The following CDH13 variants were observed in gnomAD, a reference collection of about 807,000 sequenced individuals.
CDH13 encodes the protein cadherin 13.
In CDH13, 24 loss-of-function variants were observed where a neutral mutation model predicts 63.8. The ratio of observed to expected loss-of-function variants is 0.38; its 90% CI spans 0.27 to 0.53. The LOEUF (loss-of-function observed/expected upper bound fraction) is 0.53, where lower values mean the gene tolerates loss of function less well. Among genes scored for constraint, CDH13 ranks in the 20% least tolerant of loss-of-function variants. The pLI, the probability that CDH13 is intolerant of heterozygous loss-of-function variation, is 0.85. For synonymous variants in CDH13, 503 were observed against 355.3 expected (o/e 1.42, Z -4.67); for missense variants, 1,049 against 903.1 (o/e 1.16, Z -2.07).
At chr16:83,172,423 G>A (rs1031821807) in intron 4 of CDH13, among the ~76,000 whole-genome samples, 2 of 151,928 alleles carry the variant, frequency 1.3e-5, no homozygotes, top group East Asian at 1.9e-4. Flanking sequence ...CCCCAGAGGC[G>A]GAGGTTGCAG....
At chr16:82,728,679 C>G (rs2151032297) in intron 1 of CDH13, among the ~76,000 whole-genome samples, 1 of 152,110 alleles carries the variant, frequency 6.6e-6, no homozygotes, top group East Asian at 1.9e-4. Flanking sequence ...GTGGGGGTTG[C>G]TGAAGGCTAA....
At chr16:83,294,850 T>C (rs1305858944) in intron 5 of CDH13, among the ~76,000 whole-genome samples, 1 of 152,068 alleles carries the variant, frequency 6.6e-6, no homozygotes, top group Non-Finnish European at 1.5e-5. Flanking sequence ...AAAATATCAA[T>C]GACATTATTC....
chr16:83,315,516 G>T (rs558439483), intron 5 of CDH13, among the ~76,000 whole-genome samples: 1 of 152,076 alleles, frequency 6.6e-6, no homozygotes, highest in Non-Finnish European at 1.5e-5. Context: ...TGATGATATT[G>T]TCTGGTATGA....
At chr16:82,851,322 C>T (rs1431140174) in intron 1 of CDH13, among the ~76,000 whole-genome samples, 7 of 151,768 alleles carry the variant, frequency 4.6e-5, no homozygotes, top group Non-Finnish European at 1.0e-4. Flanking sequence ...GTAATCCCAG[C>T]TACTCGGGAG....
intron 1 of CDH13, among the ~76,000 whole-genome samples, chr16:82,760,803 G>A (rs1452315932): frequency 6.6e-6 from 1 of 152,002 alleles, no homozygotes; most frequent in Non-Finnish European, 1.5e-5. Context: ...AGGTGAAGGG[G>A]GAGCAGGCAT....
chr16:83,632,369 C>G lies in CDH13; in HGVS notation c.1101+29775C>G, dbSNP rs1294694141. ...CACAAGTTCCTTAGATGCTTTGGGCCTCAGTGTCCTCACTTACAGAATAGG... is the reference window on the plus strand; with the variant it reads ...CACAAGTTCCTTAGATGCTTTGGGCGTCAGTGTCCTCACTTACAGAATAGG... On this transcript the variant is annotated intron_variant, in intron 8 of 13. Transcript: ENST00000567109. Among the ~76,000 whole-genome samples, 12 of 152,268 alleles carry G rather than the reference C, an allele frequency of 7.9e-5. No individual in the cohort carries two copies. In the East Asian group the frequency reaches 2.3e-3, roughly 29 times the overall value.
At chr16:83,324,378 C>A (rs1020206768) in intron 5 of CDH13, among the ~76,000 whole-genome samples, 1 of 152,154 alleles carries the variant, frequency 6.6e-6, no homozygotes, top group African/African-American at 2.4e-5. Flanking sequence ...CAAAAGAAAC[C>A]CCATCACTCT....
chr16:82,630,380 A>G (rs1178955433), intron 1 of CDH13, among the ~76,000 whole-genome samples: 2 of 152,204 alleles, frequency 1.3e-5, no homozygotes, highest in African/African-American at 4.8e-5. Flanking sequence ...TGCAAAGCTG[A>G]GTATGTAATC....
chr16:82,749,140 G>A (rs2034306490), intron 1 of CDH13, among the ~76,000 whole-genome samples: 2 of 152,098 alleles, frequency 1.3e-5, no homozygotes, highest in South Asian at 4.2e-4. Context: ...GCCCGACAGA[G>A]CCAAGAAATG....
At chr16:83,422,584 A>C (rs2071750175) in intron 6 of CDH13, among the ~76,000 whole-genome samples, 1 of 152,204 alleles carries the variant, frequency 6.6e-6, no homozygotes, top group Admixed American at 6.5e-5. Flanking sequence ...CTGGTTCAAA[A>C]ATTGCAGTTC....
intron 11 of CDH13, among the ~76,000 whole-genome samples, chr16:83,748,633 C>T (rs1567570169): frequency 6.6e-6 from 1 of 152,132 alleles, no homozygotes; most frequent in African/African-American, 2.4e-5. Flanking sequence ...TGACCCTGAC[C>T]ATTGAATTGT....
chr16:83,568,568 C>G (rs1001726260), intron 7 of CDH13, among the ~76,000 whole-genome samples: 1 of 152,142 alleles, frequency 6.6e-6, no homozygotes, highest in African/African-American at 2.4e-5. Flanking sequence ...GTTAACCCAA[C>G]GGAGTAAATC....
At chr16:82,741,551 G>A (rs936366540) in intron 1 of CDH13, among the ~76,000 whole-genome samples, 1 of 152,210 alleles carries the variant, frequency 6.6e-6, no homozygotes, top group South Asian at 2.1e-4. Flanking sequence ...GGGGGTCCAT[G>A]CCTCATTCAT....
intron 2 of CDH13, among the ~76,000 whole-genome samples, chr16:82,988,638 G>A (rs893881649): frequency 6.6e-6 from 1 of 151,936 alleles, no homozygotes; most frequent in Non-Finnish European, 1.5e-5. Flanking sequence ...GTGGGTGCCT[G>A]TAATCCCAGC....
At chr16:83,237,492 T>C (rs936966145) in intron 5 of CDH13, among the ~76,000 whole-genome samples, 1 of 152,248 alleles carries the variant, frequency 6.6e-6, no homozygotes, top group Non-Finnish European at 1.5e-5. Flanking sequence ...AAATAGATAG[T>C]AGTCCACGTG....
chr16:82,735,714 C>A (rs925830219), intron 1 of CDH13, among the ~76,000 whole-genome samples: 1 of 152,152 alleles, frequency 6.6e-6, no homozygotes, highest in Non-Finnish European at 1.5e-5. Context: ...CTGAGGAAAG[C>A]GAGACCACAA....
Position 83,462,998 on chromosome 16 carries a change from A to T in CDH13, c.782-23479A>T, listed in dbSNP as rs139802894. 6.8e-3 allele frequency among the ~76,000 whole-genome samples: 1,037 copies of T among 152,220 alleles called. 12 individuals are homozygous for T. Among genetic ancestry groups the T allele is most frequent in the African/African-American group, 0.023 (974 of 41,532 alleles). ...GACTGATCACCCAACAGACAATGGT[A>T]AACCCAGTGTGCCAAGCTCTAGGCA... is the stretch of plus-strand genomic sequence containing the variant. On this transcript the variant is annotated intron_variant, in intron 6 of 13. Coordinates refer to ENST00000567109, the MANE Select transcript of CDH13 (RefSeq NM_001257.5).
chr16:83,531,011 G>T (rs529019592), intron 7 of CDH13, among the ~76,000 whole-genome samples: 1 of 152,306 alleles, frequency 6.6e-6, no homozygotes, highest in African/African-American at 2.4e-5. Flanking sequence ...AAGGGGGAAT[G>T]CTGGCAGTGT....
chr16:82,790,590 A>C (rs2036251988), intron 1 of CDH13, among the ~76,000 whole-genome samples: 1 of 152,236 alleles, frequency 6.6e-6, no homozygotes, highest in Non-Finnish European at 1.5e-5. Context: ...GTAGTGTATT[A>C]GTCCCTTCTC....
Sources: allele counts gnomAD v4.1 joint callset (sites outside exome capture counted in the v4.1 genomes callset), GRCh38; gene constraint gnomAD v4.1.1; transcripts MANE v1.5; gene names NCBI Gene and HGNC (gene_info 2026-07-23, HGNC 2026-07-21).